The following LRRC7 variants were observed in gnomAD, a reference collection of about 807,000 sequenced individuals.
The protein encoded by LRRC7 is leucine rich repeat containing 7.
A neutral mutation model predicts 175.7 loss-of-function variants in LRRC7; 23 were observed. The ratio of observed to expected loss-of-function variants is 0.13; its 90% CI spans 0.09 to 0.19. LRRC7 has a LOEUF of 0.19. Among genes scored for constraint, LRRC7 ranks in the 10% least tolerant of loss-of-function variants. LRRC7 has a pLI of 1.00. For synonymous variants in LRRC7, 685 were observed against 680.9 expected (o/e 1.01, Z -0.09); for missense variants, 1,354 against 1,904.7 (o/e 0.71, Z 5.38).
At chr1:69,677,218 A>AAT (rs1659880605) in intron 1 of LRRC7, among the ~76,000 whole-genome samples, 1 of 126,448 alleles carries the variant, frequency 7.9e-6, no homozygotes, top group South Asian at 3.0e-4. Context: ...CTATATATAT[A>AAT]ATATATAACA....
intron 1 of LRRC7, among the ~76,000 whole-genome samples, chr1:69,612,113 GCTACC>G (rs1648858320): frequency 6.6e-6 from 1 of 151,904 alleles, no homozygotes; most frequent in Non-Finnish European, 1.5e-5. Context: ...TAATTCCTAT[GCTACC>G]CTAATATCAT....
At chr1:69,709,869 T>C (rs748897307) in intron 2 of LRRC7, among the ~76,000 whole-genome samples, 7 of 152,164 alleles carry the variant, frequency 4.6e-5, no homozygotes, top group Non-Finnish European at 1.0e-4. Flanking sequence ...TTTAAGTTTA[T>C]TTCTTATGAT....
At position 70,023,252 on chromosome 1, in the gene LRRC7, C is replaced by T; in HGVS notation, c.1672C>T (p.Pro558Ser). ...TCAGCAGATCCAAGATATGCCCGTC[C>T]CCCAGAATGACCCACAGCTGGCATG... The part of the protein sequence containing the change: ...CDQQIQDMPV[P>S]QNDPQLAWGC... Residue 558 changes from proline to serine, a missense_variant, in exon 17 of 27, where the codon CCC becomes TCC. Pro to Ser is a moderately conservative substitution (Grantham distance 74). Coordinates refer to ENST00000651989, the MANE Select transcript of LRRC7 (RefSeq NM_001370785.2). 1.2e-6 allele frequency: 2 copies of T among 1,613,164 alleles called. No homozygotes were observed. Among genetic ancestry groups the T allele is most frequent in the Non-Finnish European group, 1.7e-6 (2 of 1,179,492 alleles).
chr1:70,079,610 G>T (rs1440375006), intron 24 of LRRC7, among the ~76,000 whole-genome samples: 1 of 152,104 alleles, frequency 6.6e-6, no homozygotes, highest in African/African-American at 2.4e-5. Context: ...TTCAGGAAAA[G>T]GAAATCTGAA....
In LRRC7 at chr1:69,918,962, T is replaced by C. The variant is rs1218893857; in HGVS notation, c.648-12545T>C. 3.3e-5 allele frequency among the ~76,000 whole-genome samples: 5 copies of C among 152,120 alleles called. No homozygotes were observed. The East Asian group carries it at 9.6e-4, about 29-fold the overall frequency. ...ATAGTAGGAAGCTATATTATAAATT[T>C]TAAAATATGGTTTCCCGGGCATGAA... is the stretch of plus-strand genomic sequence containing the variant. On this transcript the variant is annotated intron_variant, in intron 7 of 26. Coordinates refer to ENST00000651989, the MANE Select transcript of LRRC7 (RefSeq NM_001370785.2).
intron 7 of LRRC7, among the ~76,000 whole-genome samples, chr1:69,906,054 T>C (rs1646297452): frequency 6.6e-6 from 1 of 152,252 alleles, no homozygotes; most frequent in African/African-American, 2.4e-5. Context: ...CATAAATGTC[T>C]TCTTTTCAGA....
At position 70,016,461 on chromosome 1, in the gene LRRC7, G is replaced by T; in HGVS notation, c.1251-4G>T. The T allele has an allele frequency of 1.3e-6, 2 of 1,573,912 alleles. No homozygotes were observed. Among genetic ancestry groups the T allele is most frequent in the Admixed American group, 1.9e-5 (1 of 53,032 alleles). ...ATGCTATTAGACTTTTTGTGTTTTT[G>T]CAGATTGAAGAATTTACCATTCTCA... is the stretch of plus-strand genomic sequence containing the variant. On this transcript the variant is annotated splice_region_variant and splice_polypyrimidine_tract_variant and intron_variant, in intron 13 of 26. Transcript: ENST00000651989.
intron 8 of LRRC7, among the ~76,000 whole-genome samples, chr1:69,976,992 C>T (rs1652882484): frequency 6.6e-6 from 1 of 152,132 alleles, no homozygotes; most frequent in African/African-American, 2.4e-5. Flanking sequence ...CTCCAGGAAC[C>T]CGAAGTTAAT....
intron 1 of LRRC7, among the ~76,000 whole-genome samples, chr1:69,669,949 TA>T (rs981820719): frequency 2.0e-5 from 3 of 152,192 alleles, no homozygotes; most frequent in African/African-American, 7.2e-5. Flanking sequence ...ATCTCTTAGT[TA>T]AATTTGTCTG....
intron 2 of LRRC7, among the ~76,000 whole-genome samples, chr1:69,692,965 C>G (rs1662080088): frequency 6.6e-6 from 1 of 152,160 alleles, no homozygotes; most frequent in African/African-American, 2.4e-5. Context: ...AAGTGTGGCT[C>G]TGCTCACTGC....
chr1:69,718,963 C>T (rs981841518), intron 2 of LRRC7, among the ~76,000 whole-genome samples: 3 of 151,818 alleles, frequency 2.0e-5, no homozygotes, highest in Non-Finnish European at 4.4e-5. Flanking sequence ...TATTCTTCAT[C>T]TCTTTCCTAT....
chr1:69,702,463 C>A (rs1481380359), intron 2 of LRRC7, among the ~76,000 whole-genome samples: 1 of 152,132 alleles, frequency 6.6e-6, no homozygotes, highest in African/African-American at 2.4e-5. Flanking sequence ...ATCGTTCCTG[C>A]ATCATTGACC....
At chr1:69,717,884 A>G (rs1665724967) in intron 2 of LRRC7, among the ~76,000 whole-genome samples, 1 of 141,116 alleles carries the variant, frequency 7.1e-6, no homozygotes, top group Non-Finnish European at 1.5e-5. Context: ...GAAAGAGAGA[A>G]AAAGAGGAGG....
chr1:69,953,471 G>A lies in LRRC7; in HGVS notation c.711+21901G>A, dbSNP rs180912163. Among the ~76,000 whole-genome samples, 20 of 152,052 alleles carry A rather than the reference G, an allele frequency of 1.3e-4. No homozygotes were observed. The East Asian group carries it at 3.9e-3, about 29-fold the overall frequency. Reference sequence around the variant, plus strand: ...CTTAGTTGTCCCTATTTATGGAGGTGCATAATCATGGCACACATCTTTCCC... The same window carrying A: ...CTTAGTTGTCCCTATTTATGGAGGTACATAATCATGGCACACATCTTTCCC... On this transcript the variant is annotated intron_variant, in intron 8 of 26. Coordinates refer to ENST00000651989, the MANE Select transcript of LRRC7 (RefSeq NM_001370785.2).
chr1:69,626,830 T>A (rs1651661204), intron 1 of LRRC7, among the ~76,000 whole-genome samples: 1 of 151,436 alleles, frequency 6.6e-6, no homozygotes, highest in Admixed American at 6.6e-5. Flanking sequence ...GGTGTTTTGT[T>A]TTTTGTCCTT....
intron 7 of LRRC7, among the ~76,000 whole-genome samples, chr1:69,916,272 A>AATATATATT (rs35080031): frequency 3.7e-5 from 5 of 133,996 alleles, no homozygotes; most frequent in East Asian, 4.1e-4. Flanking sequence ...ATAAAATATA[A>AATATATATT]ATATATATCA....
intron 19 of LRRC7, 73 bp from the exon 20 acceptor site, chr1:70,036,371 C>A: frequency 1.4e-6 from 2 of 1,478,602 alleles, no homozygotes; most frequent in Non-Finnish European, 1.8e-6. Context: ...GTATGGTTTC[C>A]ATTTTTCATA....
intron 24 of LRRC7, among the ~76,000 whole-genome samples, chr1:70,087,417 G>A (rs1259853117): frequency 1.3e-5 from 2 of 151,908 alleles, no homozygotes; most frequent in South Asian, 2.1e-4. Flanking sequence ...TAATATAATT[G>A]GAAATGCATA....
At chr1:69,803,020 T>A (rs1487969648) in intron 4 of LRRC7, among the ~76,000 whole-genome samples, 1 of 151,342 alleles carries the variant, frequency 6.6e-6, no homozygotes, top group African/African-American at 2.4e-5. Flanking sequence ...TTCAACAACA[T>A]TGTGTAGTCC....
Sources: allele counts gnomAD v4.1 joint callset (sites outside exome capture counted in the v4.1 genomes callset), GRCh38; gene constraint gnomAD v4.1.1; transcripts MANE v1.5; gene names NCBI Gene and HGNC (gene_info 2026-07-23, HGNC 2026-07-21).